Variants in TMEM163 observed in about 807,000 individuals in gnomAD.
TMEM163 encodes the protein transmembrane protein 163.
Under a neutral mutation model 29.3 loss-of-function variants are expected in TMEM163, and 17 were observed. The observed-to-expected ratio is 0.58, with a 90% CI of 0.40 to 0.87. The LOEUF (loss-of-function observed/expected upper bound fraction) is 0.87, where lower values mean the gene tolerates loss of function less well. Ranked by LOEUF, TMEM163 falls within the 40% of genes least tolerant of loss-of-function variation. The probability of loss-of-function intolerance (pLI) is 0.00; values close to 1 mark genes in which losing one functional copy is unlikely to be tolerated. For synonymous variants in TMEM163, 157 were observed against 160.6 expected (o/e 0.98, Z 0.17); for missense variants, 303 against 381.5 (o/e 0.79, Z 1.71).
chr2:134,523,222 T>C (rs1680224391), intron 4 of TMEM163, among the ~76,000 whole-genome samples: 1 of 152,226 alleles, frequency 6.6e-6, no homozygotes. Context: ...ACTGATTTAA[T>C]AGCCTGGGAG....
At chr2:134,713,965 CAAAAAATTCTCAGA>C (rs1477749903) in intron 1 of TMEM163, among the ~76,000 whole-genome samples, 1 of 152,172 alleles carries the variant, frequency 6.6e-6, no homozygotes, top group Admixed American at 6.5e-5. Flanking sequence ...AAGCACATGT[CAAAAAATTCTCAGA>C]ATATTAAAGT....
At chr2:134,549,114 A>G (rs950751242) in intron 4 of TMEM163, among the ~76,000 whole-genome samples, 17 of 152,208 alleles carry the variant, frequency 1.1e-4, no homozygotes, top group African/African-American at 3.9e-4. Context: ...AAAAAAAAAA[A>G]AAAACTAATG....
At chr2:134,459,982 G>A (rs1016349526) in intron 6 of TMEM163, among the ~76,000 whole-genome samples, 4 of 152,102 alleles carry the variant, frequency 2.6e-5, no homozygotes, top group East Asian at 1.9e-4. Flanking sequence ...TGCATGCTCC[G>A]TAGATGGGGC....
At chr2:134,498,820 G>T (rs879457990) in intron 5 of TMEM163, among the ~76,000 whole-genome samples, 2 of 152,254 alleles carry the variant, frequency 1.3e-5, no homozygotes, top group Non-Finnish European at 2.9e-5. Flanking sequence ...GCCCTCAGGA[G>T]TGTGGGGAGA....
intron 2 of TMEM163, among the ~76,000 whole-genome samples, chr2:134,651,678 G>T (rs1262545147): frequency 1.2e-5 from 1 of 84,022 alleles, no homozygotes; most frequent in South Asian, 4.9e-4. Context: ...ATGGTTTTAG[G>T]TCTAACGTTT....
intron 2 of TMEM163, among the ~76,000 whole-genome samples, chr2:134,702,039 C>A (rs1239601985): frequency 6.6e-6 from 1 of 151,898 alleles, no homozygotes; most frequent in East Asian, 1.9e-4. Flanking sequence ...CTCAGAGTAA[C>A]CATCTCAGGG....
chr2:134,671,227 G>A (rs755038396), intron 2 of TMEM163, among the ~76,000 whole-genome samples: 1 of 152,198 alleles, frequency 6.6e-6, no homozygotes, highest in Non-Finnish European at 1.5e-5. Context: ...GAGTCCTGCC[G>A]TGTGGCAGAA....
intron 5 of TMEM163, among the ~76,000 whole-genome samples, chr2:134,501,211 C>A (rs1226370199): frequency 3.3e-5 from 5 of 152,200 alleles, no homozygotes; most frequent in African/African-American, 1.2e-4. Context: ...TCTGTAAGGA[C>A]AGGCGCAACC....
chr2:134,583,309 G>A (rs1681736811), intron 2 of TMEM163, among the ~76,000 whole-genome samples: 1 of 152,196 alleles, frequency 6.6e-6, no homozygotes, highest in Admixed American at 6.5e-5. Context: ...CTGACACATG[G>A]ACACATTTAG....
chr2:134,561,195 T>TTTA (rs921369801), intron 2 of TMEM163, among the ~76,000 whole-genome samples: 1 of 152,118 alleles, frequency 6.6e-6, no homozygotes, highest in Non-Finnish European at 1.5e-5. Flanking sequence ...GCAAAGTTCT[T>TTTA]TTATTATTAT....
chr2:134,522,117 G>A (rs764677237), intron 4 of TMEM163, among the ~76,000 whole-genome samples: 18 of 151,690 alleles, frequency 1.2e-4, no homozygotes, highest in Non-Finnish European at 2.1e-4. Flanking sequence ...AATTTCTAGC[G>A]GGGGTGGGCT....
At chr2:134,717,277 G>A (rs897008552) in intron 1 of TMEM163, among the ~76,000 whole-genome samples, 4 of 152,160 alleles carry the variant, frequency 2.6e-5, no homozygotes, top group African/African-American at 9.7e-5. Flanking sequence ...CTGGAGAGGG[G>A]CAAAGGTAAT....
At chr2:134,588,812 C>T (rs761185311) in intron 2 of TMEM163, among the ~76,000 whole-genome samples, 6 of 151,850 alleles carry the variant, frequency 4.0e-5, no homozygotes, top group African/African-American at 1.5e-4. Context: ...AGAAGGGCTA[C>T]ATGGAAGGAT....
intron 2 of TMEM163, among the ~76,000 whole-genome samples, chr2:134,625,440 G>A (rs1189023123): frequency 6.6e-6 from 1 of 152,222 alleles, no homozygotes; most frequent in Non-Finnish European, 1.5e-5. Flanking sequence ...ACACACATAT[G>A]TATTGCTTTC....
intron 5 of TMEM163, among the ~76,000 whole-genome samples, chr2:134,489,334 C>A (rs1679378548): frequency 6.6e-6 from 1 of 151,926 alleles, no homozygotes; most frequent in Admixed American, 6.6e-5. Context: ...AATCCCAGCA[C>A]TTTGAGAGGC....
At chr2:134,575,185 G>A (rs144720241) in intron 2 of TMEM163, among the ~76,000 whole-genome samples, 1 of 152,122 alleles carries the variant, frequency 6.6e-6, no homozygotes, top group African/African-American at 2.4e-5. Context: ...TCGAGAGGAA[G>A]TAAGTGACCA....
intron 2 of TMEM163, among the ~76,000 whole-genome samples, chr2:134,696,047 G>A (rs1340056323): frequency 4.2e-5 from 5 of 120,196 alleles, no homozygotes; most frequent in African/African-American, 1.6e-4. Flanking sequence ...GAAAGACACC[G>A]TCTCAAAAAA....
intron 5 of TMEM163, among the ~76,000 whole-genome samples, chr2:134,471,954 C>T (rs953900133): frequency 7.9e-5 from 12 of 152,244 alleles, no homozygotes; most frequent in African/African-American, 2.9e-4. Flanking sequence ...ACAGCAACAG[C>T]GATTTCCTTG....
intron 4 of TMEM163, among the ~76,000 whole-genome samples, chr2:134,538,991 A>G (rs1680602267): frequency 6.6e-6 from 1 of 152,164 alleles, no homozygotes. Context: ...CTATGTGATT[A>G]TATTTTAATA....
Sources: gnomAD v4.1 joint callset for allele counts (sites outside exome capture counted in the v4.1 genomes callset) on GRCh38, gnomAD v4.1.1 for gene constraint, MANE v1.5 for transcripts, NCBI Gene and HGNC (gene_info 2026-07-23, HGNC 2026-07-21) for gene names.